ATP13A1: variants seen among roughly 807,000 people sequenced by gnomAD.
The protein encoded by ATP13A1 is endoplasmic reticulum transmembrane helix translocase.
ATP13A1 carries 55 observed loss-of-function variants against 134.8 expected under a neutral mutation model. That is an observed-to-expected ratio of 0.41 (90% CI 0.33 to 0.51). The LOEUF is 0.51. Among genes scored for constraint, ATP13A1 ranks in the 20% least tolerant of loss-of-function variants. ATP13A1 has a pLI of 0.29. For synonymous variants in ATP13A1, 775 were observed against 725.1 expected, an observed-to-expected ratio of 1.07 and a Z score of -1.10; for missense variants, 1,389 against 1,652.8, an observed-to-expected ratio of 0.84 and a Z score of 2.77.
Position 19,654,090 on chromosome 19 carries a change from C to A in ATP13A1, c.1868G>T (p.Arg623Leu). The change falls in exon 14 of 26, where the codon CGC becomes CTC. Residue 623 changes from arginine (R) to leucine (L), a missense_variant. Coordinates refer to ENST00000357324, the MANE Select transcript of ATP13A1 (RefSeq NM_020410.3). ...IKTQGLKIHQ[R>L]FHFASALKRM... ...CTTCAGGGCACTGGCAAAATGAAAG[C>A]GCTGGTGAATTTTCAGCCCCTGAGT... 1.3e-6 allele frequency: 2 copies of A among 1,592,608 alleles called. No homozygotes were observed. The highest frequency in any genetic ancestry group is 1.7e-6 in the Non-Finnish European group (2 of 1,169,762).
In ATP13A1 at chr19:19,647,832, C is replaced by T; in HGVS notation, c.2633-73G>A. 2 of 1,494,044 alleles carry T rather than the reference C, an allele frequency of 1.3e-6. No homozygotes were observed. Among genetic ancestry groups the T allele is most frequent in the Non-Finnish European group, 1.8e-6 (2 of 1,121,180 alleles). 92.5% of individuals were successfully genotyped at this position (1,494,044 alleles called of 1,614,324 possible). A position where few individuals can be genotyped will look rare whatever the true frequency, so the allele number is the denominator to read the frequency against. ...GGGAAGATTGCTGGCTTCAGAGCCA[C>T]TGGTCCTGAAGTCCCCCAGCTGGCT... is the stretch of plus-strand genomic sequence containing the variant. On this transcript the variant is annotated intron_variant, in intron 19 of 25. Transcript: ENST00000357324. This position sits in a 1 kb window ranked among gnomAD's most constrained non-coding sequence, Gnocchi z 4.8.
In ATP13A1 at chr19:19,655,416, A is replaced by G; in HGVS notation, c.1434T>C (p.Phe478=). 1.2e-6 allele frequency: 2 copies of G among 1,613,944 alleles called. No individual in the cohort carries two copies. Among genetic ancestry groups the G allele is most frequent in the Non-Finnish European group, 8.5e-7 (1 of 1,179,872 alleles). The stretch of plus-strand genomic sequence containing the variant: ...AGGTGAGGATCAGGGTGCACTCCAG[A>G]AACAGCTTGTAGCGGTTCCGGCTGG... The part of the protein sequence containing the change: ...KDPSRNRYKL[F]LECTLILTSV... The change falls in exon 11 of 26, where the codon TTT becomes TTC. Residue 478 remains phenylalanine (F), a synonymous_variant. Coordinates refer to ENST00000357324, the MANE Select transcript of ATP13A1 (RefSeq NM_020410.3). This position sits in a 1 kb window ranked among gnomAD's most constrained non-coding sequence, Gnocchi z 5.7.
chr19:19,645,512 C>G lies in ATP13A1; in HGVS notation c.3525G>C (p.Gln1175His). 3.7e-6 allele frequency: 6 copies of G among 1,604,622 alleles called. No homozygotes were observed. The highest frequency in any genetic ancestry group is 5.1e-6 in the Non-Finnish European group (6 of 1,175,834). Residue 1175 changes from glutamine to histidine, a missense_variant, in exon 26 of 26, where the codon CAG (glutamine) becomes CAC (histidine). Gln to His is a conservative substitution (Grantham distance 24). Coordinates refer to ENST00000357324, the MANE Select transcript of ATP13A1 (RefSeq NM_020410.3). This position sits in a 1 kb window ranked among gnomAD's most constrained non-coding sequence, Gnocchi z 4.1. ...IPVEFKLVIA[Q>H]VLLLDFCLAL... ...CCAGGCAGAAGTCCAGGAGCAGGAC[C>G]TGGGCAATGACCAGCTTGAACTGTC...
chr19:19,657,121 T>C lies in ATP13A1; in HGVS notation c.779A>G (p.Asp260Gly), dbSNP rs2062064204. The change falls in exon 5 of 26, where the codon GAT (aspartate) becomes GGT (glycine). Residue 260 changes from aspartate (D) to glycine (G), a missense_variant. Transcript: ENST00000357324. ...QVFCVGLWCL[D>G]EYWYYSVFTL... ...AAAGACGCTGTAGTACCAGTACTCA[T>C]CCAGGCACCAGAGCCCCACACAGAA... 6.6e-7 allele frequency: 1 copy of C among 1,515,448 alleles called. No homozygotes were observed. Among genetic ancestry groups the C allele is most frequent in the East Asian group, 2.3e-5 (1 of 43,182 alleles). The allele number at this position is 1,515,448 out of a possible 1,614,324, so 93.9% of individuals were successfully genotyped here.
At chr19:19,657,280 G>A (rs573263142) in intron 4 of ATP13A1, 56 bp downstream of exon 4, 34 of 1,533,500 alleles carry the variant, frequency 2.2e-5, no homozygotes, top group Non-Finnish European at 2.8e-5. Context: ...GGCTTGATCC[G>A]GTTAGGAAAG....
At position 19,647,808 on chromosome 19, in the gene ATP13A1, G is replaced by GGAA. The variant is rs745565178; in HGVS notation, c.2633-52_2633-50dup. Reference sequence around the variant, plus strand: ...CCCGGAGGAGCAGGCTCCACGGAGGGGAAGATTGCTGGCTTCAGAGCCACT... The same window carrying GGAA: ...CCCGGAGGAGCAGGCTCCACGGAGGGGAAGAAGATTGCTGGCTTCAGAGCCACT... On this transcript the variant is annotated intron_variant, in intron 19 of 25. Coordinates refer to ENST00000357324, the MANE Select transcript of ATP13A1 (RefSeq NM_020410.3). The surrounding 1 kb of genome is among the most constrained non-coding windows in gnomAD (Gnocchi z 4.8). 1 of 1,530,746 alleles carries GGAA rather than the reference G, an allele frequency of 6.5e-7. No individual in the cohort carries two copies. The highest frequency in any genetic ancestry group is 8.8e-7 in the Non-Finnish European group (1 of 1,142,526). The allele number at this position is 1,530,746 out of a possible 1,614,324, so 94.8% of individuals were successfully genotyped here.
intron 1 of ATP13A1, chr19:19,662,966 T>C (rs1644833602): frequency 1.7e-5 from 9 of 527,868 alleles, no homozygotes; most frequent in South Asian, 1.4e-4. Flanking sequence ...AAACAACTCC[T>C]ACCTGACCTG....
At position 19,646,097 on chromosome 19, in the gene ATP13A1, TCCCTGGACA is replaced by T. The variant is rs2061983724; in HGVS notation, c.3248+99_3248+107del. 3.1e-6 allele frequency: 5 copies of T among 1,592,320 alleles called. No homozygotes were observed. The African/African-American group carries it at 4.0e-5, about 13-fold the overall frequency. Reference sequence around the variant, plus strand: ...AGGGCTCTGCCTGGCCTAGTGCCCCTCCCTGGACACCCTGGACAACCCCCAGCCTCTCCT... The same window carrying T: ...AGGGCTCTGCCTGGCCTAGTGCCCCTCCCTGGACAACCCCCAGCCTCTCCT... On this transcript the variant is annotated intron_variant, in intron 23 of 25. Coordinates refer to ENST00000357324, the MANE Select transcript of ATP13A1 (RefSeq NM_020410.3).
chr19:19,656,236 C>T lies in ATP13A1; in HGVS notation c.1084-53G>A. ...GGCCAGGCCTACCTTGCTTCCTTCT[C>T]CATCTGAGTTCCTGGACAGCTGGAC... On this transcript the variant is annotated intron_variant, in intron 7 of 25. Coordinates refer to ENST00000357324, the MANE Select transcript of ATP13A1 (RefSeq NM_020410.3). This position sits in a 1 kb window ranked among gnomAD's most constrained non-coding sequence, Gnocchi z 4.6. The T allele has an allele frequency of 7.1e-6, 11 of 1,552,770 alleles. No homozygotes were observed. The highest frequency in any genetic ancestry group is 9.6e-6 in the Non-Finnish European group (11 of 1,148,702).
chr19:19,651,282 G>A (rs1326436041), intron 17 of ATP13A1: 1 of 156,652 alleles, frequency 6.4e-6, no homozygotes, highest in Non-Finnish European at 1.4e-5. Context: ...GCCATCAACT[G>A]TGGCTGAGGA....
In ATP13A1 at chr19:19,656,272, G is replaced by T. The variant is rs773218939; in HGVS notation, c.1084-89C>A. ...CCTGGACAGCTGGACCTTGAGGCTG[G>T]AATGAGCCAGGGGGATCCCCACCCG... On this transcript the variant is annotated intron_variant, in intron 7 of 25. Coordinates refer to ENST00000357324, the MANE Select transcript of ATP13A1 (RefSeq NM_020410.3). The surrounding 1 kb of genome is among the most constrained non-coding windows in gnomAD (Gnocchi z 4.6). 2.6e-6 allele frequency: 4 copies of T among 1,514,276 alleles called. No homozygotes were observed. The South Asian group carries it at 3.9e-5, about 15-fold the overall frequency. 93.8% of individuals were successfully genotyped at this position (1,514,276 alleles called of 1,614,324 possible).
chr19:19,654,030 C>T lies in ATP13A1; in HGVS notation c.1928G>A (p.Gly643Asp). Residue 643 changes from glycine (G) to aspartate (D), a missense_variant, in exon 14 of 26, where the codon GGC becomes GAC. Transcript: ENST00000357324. ...CGCGATGTAGCAGAGGTCGGTGGAG[C>T]CCAGCTTCTCATACGAGGCAAGCAC... ...MSVLASYEKLGSTDLCYIAAV... is the reference protein window; with the variant it reads ...MSVLASYEKLDSTDLCYIAAV... The T allele has an allele frequency of 6.3e-7, 1 of 1,598,058 alleles. No individual in the cohort carries two copies. Among genetic ancestry groups the T allele is most frequent in the Non-Finnish European group, 8.5e-7 (1 of 1,172,682 alleles).
intron 22 of ATP13A1, chr19:19,646,678 A>T (rs2061988304): frequency 5.0e-6 from 2 of 396,864 alleles, no homozygotes; most frequent in African/African-American, 4.1e-5. Context: ...CCCTCCAGCC[A>T]CCGGGGACTC....
chr19:19,655,876 ACCTGGGATGTGTTGAAT>A lies in ATP13A1; in HGVS notation c.1254_1269+1del. On this transcript the variant is annotated splice_donor_variant and coding_sequence_variant, in exon 9 of 26. Transcript: ENST00000357324. LOFTEE classifies it high-confidence loss of function. The surrounding 1 kb of genome is among the most constrained non-coding windows in gnomAD (Gnocchi z 5.7). ...CCGCCCTCCCCAGACCTGGCCCCGCACCTGGGATGTGTTGAATCCGGTCCGCAGGACGTAGGCCACGC... is the reference window on the plus strand; with the variant it reads ...CCGCCCTCCCCAGACCTGGCCCCGCACCGGTCCGCAGGACGTAGGCCACGC... The A allele has an allele frequency of 6.3e-7, 1 of 1,583,042 alleles. No homozygotes were observed. The highest frequency in any genetic ancestry group is 8.5e-7 in the Non-Finnish European group (1 of 1,170,096).
In ATP13A1 at chr19:19,649,877, G is replaced by A. The variant is rs1415498837; in HGVS notation, c.2399C>T (p.Pro800Leu). The A allele has an allele frequency of 1.2e-6, 2 of 1,602,128 alleles. No homozygotes were observed. The highest frequency in any genetic ancestry group is 2.7e-5 in the African/African-American group (2 of 74,996). The change falls in exon 18 of 26, where the codon CCA (proline) becomes CTA (leucine). Residue 800 changes from proline to leucine, a missense_variant. Around this residue, in one of 4 missense-constraint regions of ATP13A1, gnomAD observed 747 missense variants for 956.1 expected, o/e 0.78. Coordinates refer to ENST00000357324, the MANE Select transcript of ATP13A1 (RefSeq NM_020410.3). Reference sequence around the variant, plus strand: ...TGCGTACTCCAGGGCCAGTGCCTTTGGGGAGCCCCGGGCCAGGGGCAGCAC... The same window carrying A: ...TGCGTACTCCAGGGCCAGTGCCTTTAGGGAGCCCCGGGCCAGGGGCAGCAC... The part of the protein sequence containing the change: ...SIVLPLARGS[P>L]KALALEYALC...
At position 19,656,002 on chromosome 19, in the gene ATP13A1, G is replaced by A. The variant is rs754825844; in HGVS notation, c.1213+52C>T. On this transcript the variant is annotated intron_variant, in intron 8 of 25. Transcript: ENST00000357324. The surrounding 1 kb of genome is among the most constrained non-coding windows in gnomAD (Gnocchi z 4.6). ...CTGACTCCCTCATGATCAAGCAGAC[G>A]GGCAAAGGGGGTGGAAGCCCAGATA... 1.1e-5 allele frequency: 17 copies of A among 1,611,960 alleles called. No individual in the cohort carries two copies. The highest frequency in any genetic ancestry group is 4.4e-5 in the South Asian group (4 of 90,960).
intron 17 of ATP13A1, chr19:19,651,464 T>G: frequency 2.3e-6 from 1 of 440,688 alleles, no homozygotes; most frequent in Non-Finnish European, 4.1e-6. Flanking sequence ...TATCGCCTCA[T>G]TATGGTAAAT....
chr19:19,654,651 G>A lies in ATP13A1; in HGVS notation c.1705C>T (p.Arg569Trp), dbSNP rs1417270795. Residue 569 changes from arginine (R) to tryptophan (W), a missense_variant, in exon 13 of 26, where the codon CGG becomes TGG. Physicochemically the swap from Arg to Trp is moderately radical, Grantham distance 101. Around this residue, in one of 4 missense-constraint regions of ATP13A1, gnomAD observed 747 missense variants for 956.1 expected, o/e 0.78. Transcript: ENST00000357324. ...PVSSIPVETH[R>W]ALASCHSLMQ... The stretch of plus-strand genomic sequence containing the variant: ...AGCGAGTGGCACGAGGCCAGGGCCC[G>A]GTGTGTTTCTACAGGGATGCTGGAC... The A allele has an allele frequency of 6.1e-5, 99 of 1,613,452 alleles. No individual in the cohort carries two copies. The highest frequency in any genetic ancestry group is 8.1e-5 in the Non-Finnish European group (95 of 1,179,858).
chr19:19,645,764 G>T lies in ATP13A1; in HGVS notation c.3387C>A (p.Pro1129=). 1 of 1,610,530 alleles carries T rather than the reference G, an allele frequency of 6.2e-7. No individual in the cohort carries two copies. The highest frequency in any genetic ancestry group is 1.1e-5 in the South Asian group (1 of 90,576). ...GACTCCACACCAGGGGCTTGTTCTCGGGCAGGCTCTCCATGAAGGGCGGGC... is the reference window on the plus strand; with the variant it reads ...GACTCCACACCAGGGGCTTGTTCTCTGGCAGGCTCTCCATGAAGGGCGGGC... ...YKGPPFMESL[P]ENKPLVWSLA... is the part of the protein sequence containing the mutation. Residue 1129 remains proline, a synonymous_variant, in exon 25 of 26, where the codon CCC becomes CCA. Transcript: ENST00000357324. This position sits in a 1 kb window ranked among gnomAD's most constrained non-coding sequence, Gnocchi z 4.1.
Sources: allele counts gnomAD v4.1 joint callset, GRCh38; gene constraint gnomAD v4.1.1; regional missense constraint gnomAD v4.1.1; non-coding constraint Gnocchi (gnomAD v3.1); transcripts MANE v1.5; gene names NCBI Gene and HGNC (gene_info 2026-07-23, HGNC 2026-07-21).